Variants in FSTL5 observed in about 807,000 individuals in gnomAD.
FSTL5 encodes follistatin like 5, also known as follistatin-related protein 5.
A neutral mutation model predicts 89.1 loss-of-function variants in FSTL5; 62 were observed. The ratio of observed to expected loss-of-function variants is 0.70; its 90% CI spans 0.57 to 0.86. The LOEUF is 0.86. Among genes scored for constraint, FSTL5 ranks in the 40% least tolerant of loss-of-function variants. FSTL5 has a pLI of 0.00. For synonymous variants in FSTL5, 383 were observed against 346.2 expected, an observed-to-expected ratio of 1.11 and a Z score of -1.18; for missense variants, 1,057 against 1,001.6, an observed-to-expected ratio of 1.06 and a Z score of -0.75.
intron 10 of FSTL5, among the ~76,000 whole-genome samples, chr4:161,534,541 G>A (rs1242775953): frequency 6.6e-6 from 1 of 151,976 alleles, no homozygotes; most frequent in Non-Finnish European, 1.5e-5. Context: ...TCTCTACAAG[G>A]ATAACTACAA....
At chr4:161,824,344 G>A (rs1443602945) in intron 4 of FSTL5, among the ~76,000 whole-genome samples, 2 of 152,058 alleles carry the variant, frequency 1.3e-5, no homozygotes, top group African/African-American at 4.8e-5. Flanking sequence ...TTATTTCTGG[G>A]TTCTCTATTC....
chr4:162,053,347 T>C (rs950090538), intron 2 of FSTL5, among the ~76,000 whole-genome samples: 1 of 151,730 alleles, frequency 6.6e-6, no homozygotes, highest in Non-Finnish European at 1.5e-5. Flanking sequence ...ACTCAAGAAA[T>C]AAGTTAAAAT....
chr4:162,145,630 A>G (rs1418114728), intron 1 of FSTL5, among the ~76,000 whole-genome samples: 5 of 152,150 alleles, frequency 3.3e-5, no homozygotes, highest in African/African-American at 1.2e-4. Context: ...AGAATCATGC[A>G]TCAGCTCTTA....
chr4:161,641,703 G>A (rs1360289132), intron 7 of FSTL5, among the ~76,000 whole-genome samples: 1 of 151,926 alleles, frequency 6.6e-6, no homozygotes, highest in Non-Finnish European at 1.5e-5. Flanking sequence ...TGTTAGCCAG[G>A]ATGGTCTCGA....
chr4:162,133,375 C>G (rs190308318), intron 1 of FSTL5, among the ~76,000 whole-genome samples: 32 of 152,222 alleles, frequency 2.1e-4, no homozygotes, highest in Middle Eastern at 3.4e-3. Flanking sequence ...CAAGGTCACC[C>G]TAAAACTCAG....
chr4:161,993,261 A>T (rs1424424886), intron 3 of FSTL5, among the ~76,000 whole-genome samples: 1 of 152,008 alleles, frequency 6.6e-6, no homozygotes, highest in Non-Finnish European at 1.5e-5. Context: ...ATCATGCTCC[A>T]TTTTAAAAAT....
intron 4 of FSTL5, among the ~76,000 whole-genome samples, chr4:161,788,987 C>T (rs1729358043): frequency 6.6e-6 from 1 of 152,158 alleles, no homozygotes; most frequent in South Asian, 2.1e-4. Context: ...TTTCCCTTCA[C>T]ATACACACCA....
intron 3 of FSTL5, among the ~76,000 whole-genome samples, chr4:162,012,190 GTA>G (rs1447244689): frequency 6.6e-6 from 1 of 152,158 alleles, no homozygotes; most frequent in African/African-American, 2.4e-5. Flanking sequence ...CTTCGTGTGT[GTA>G]TCCCTACAGG....
chr4:161,759,382 G>A, intron 6 of FSTL5, 29 bp downstream of exon 6: 2 of 1,565,092 alleles, frequency 1.3e-6, no homozygotes, highest in Non-Finnish European at 1.7e-6. Context: ...AAGAACAAAG[G>A]GAAATTGGAG....
intron 4 of FSTL5, among the ~76,000 whole-genome samples, chr4:161,919,006 A>G (rs1482308914): frequency 6.6e-6 from 1 of 152,096 alleles, no homozygotes; most frequent in African/African-American, 2.4e-5. Context: ...CCTCAATTTG[A>G]GAATATGATG....
At chr4:162,073,531 T>C (rs552799245) in intron 2 of FSTL5, among the ~76,000 whole-genome samples, 12 of 151,724 alleles carry the variant, frequency 7.9e-5, no homozygotes, top group Non-Finnish European at 1.3e-4. Flanking sequence ...TCAAGAAATG[T>C]CTCAAGAAGC....
chr4:162,131,949 T>A (rs1226037650), intron 1 of FSTL5, among the ~76,000 whole-genome samples: 1 of 152,212 alleles, frequency 6.6e-6, no homozygotes, highest in Non-Finnish European at 1.5e-5. Flanking sequence ...TTAGATGAGA[T>A]CCAAGAATCT....
At chr4:162,040,612 G>A (rs959073229) in intron 2 of FSTL5, among the ~76,000 whole-genome samples, 1 of 152,076 alleles carries the variant, frequency 6.6e-6, no homozygotes, top group Non-Finnish European at 1.5e-5. Flanking sequence ...ACTATATCAA[G>A]TGTACTCAAA....
At chr4:161,527,756 A>G (rs894690711) in intron 10 of FSTL5, among the ~76,000 whole-genome samples, 14 of 151,628 alleles carry the variant, frequency 9.2e-5, no homozygotes, top group African/African-American at 3.2e-4. Context: ...AGGGATCTAG[A>G]ACTAGAAATA....
chr4:161,517,813 T>C (rs1169257157), intron 10 of FSTL5, among the ~76,000 whole-genome samples: 2 of 152,176 alleles, frequency 1.3e-5, no homozygotes, highest in Non-Finnish European at 2.9e-5. Context: ...AATGAACTTA[T>C]ATAATGATAA....
chr4:161,823,204 C>T (rs529849981), intron 4 of FSTL5, among the ~76,000 whole-genome samples: 8 of 152,212 alleles, frequency 5.3e-5, no homozygotes, highest in South Asian at 2.1e-4. Flanking sequence ...GGCTTTAGGC[C>T]GTCCCTCGCT....
chr4:162,057,535 C>T (rs1196889771), intron 2 of FSTL5, among the ~76,000 whole-genome samples: 1 of 152,170 alleles, frequency 6.6e-6, no homozygotes, highest in Admixed American at 6.5e-5. Context: ...ATTGCTTTCA[C>T]TACTTTTCTT....
chr4:161,993,608 A>C (rs2111085180), intron 3 of FSTL5, among the ~76,000 whole-genome samples: 1 of 152,198 alleles, frequency 6.6e-6, no homozygotes, highest in South Asian at 2.1e-4. Flanking sequence ...TGAAATCAAA[A>C]GTTTTAAAAC....
chr4:162,148,671 GATT>G (rs1266024131), intron 1 of FSTL5, among the ~76,000 whole-genome samples: 2 of 152,108 alleles, frequency 1.3e-5, no homozygotes, highest in Admixed American at 1.3e-4. Context: ...CCCTCAAAAA[GATT>G]ATTGTGTTAA....
Sources: gnomAD v4.1 joint callset for allele counts (sites outside exome capture counted in the v4.1 genomes callset) on GRCh38, gnomAD v4.1.1 for gene constraint, MANE v1.5 for transcripts, NCBI Gene and HGNC (gene_info 2026-07-23, HGNC 2026-07-21) for gene names.